VRK3: variants seen among roughly 807,000 people sequenced by gnomAD.
VRK3 encodes the protein VRK serine/threonine kinase 3, also known as serine/threonine-protein kinase VRK3.
In VRK3, 50 loss-of-function variants were observed where a neutral mutation model predicts 60.4. That is an observed-to-expected ratio of 0.83 (90% CI 0.66 to 1.05). VRK3 has a LOEUF of 1.05. Ranked by LOEUF, VRK3 falls within the 50% of genes least tolerant of loss-of-function variation. VRK3 has a pLI of 0.00. For synonymous variants in VRK3, 246 were observed against 227.8 expected, an observed-to-expected ratio of 1.08 and a Z score of -0.72; for missense variants, 549 against 585.3, an observed-to-expected ratio of 0.94 and a Z score of 0.64.
chr19:49,989,655 G>A lies in VRK3; in HGVS notation c.1080C>T (p.Asp360=). The A allele has an allele frequency of 1.2e-6, 2 of 1,612,794 alleles. No homozygotes were observed. The highest frequency in any genetic ancestry group is 1.1e-5 in the South Asian group (1 of 90,778). ...HEGDLEFISM[D]LHKGCGPSRR... ...GCCTCGTACCGCATCCCTTGTGCAG[G>A]TCCATGCTAATGAACTCAAGGTCCC... Residue 360 remains aspartate, a synonymous_variant, in exon 11 of 15, where the codon GAC becomes GAT. Coordinates refer to ENST00000316763, the MANE Select transcript of VRK3 (RefSeq NM_016440.4).
intron 10 of VRK3, among the ~76,000 whole-genome samples, chr19:49,992,307 T>C (rs2076625487): frequency 6.6e-6 from 1 of 152,216 alleles, no homozygotes. Context: ...CTCAGGAGGC[T>C]GACAGAGAAT....
chr19:50,007,057 C>T (rs1269815343), intron 5 of VRK3, among the ~76,000 whole-genome samples: 3 of 152,200 alleles, frequency 2.0e-5, no homozygotes, highest in Non-Finnish European at 2.9e-5. Flanking sequence ...CCTTTCCTCA[C>T]TCTCAAGGCA....
rs183868684 is a variant in VRK3, at chr19:49,993,218, G to A, written c.871-266C>T. ...CTCCTGTATTTCTCTCTTAGCTGAT[G>A]ACAAACTCAGCAGAGGGAAAAGGGG... On this transcript the variant is annotated intron_variant, in intron 9 of 14. Coordinates refer to ENST00000316763, the MANE Select transcript of VRK3 (RefSeq NM_016440.4). Among the ~76,000 whole-genome samples, 86 of 152,322 alleles carry A rather than the reference G, an allele frequency of 5.6e-4. 2 individuals are homozygous for A. In the East Asian group the frequency reaches 0.014, roughly 25 times the overall value.
intron 11 of VRK3, 144 bp downstream of exon 11, chr19:49,989,495 G>A (rs1057252531): frequency 6.9e-6 from 8 of 1,155,848 alleles, no homozygotes; most frequent in African/African-American, 3.1e-5. Flanking sequence ...CGGTCGGGAC[G>A]CTGTCTGTGG....
intron 3 of VRK3, among the ~76,000 whole-genome samples, chr19:50,011,732 T>C (rs892021276): frequency 2.0e-5 from 3 of 147,820 alleles, no homozygotes; most frequent in Admixed American, 1.3e-4. Flanking sequence ...ACTCCTCCAG[T>C]GTGTAGTTAA....
chr19:50,011,154 G>A (rs1037113826), intron 3 of VRK3, among the ~76,000 whole-genome samples: 1 of 152,106 alleles, frequency 6.6e-6, no homozygotes, highest in Non-Finnish European at 1.5e-5. Context: ...ATAAAACACA[G>A]GCTCAAGGCC....
rs1048177253 is a variant in VRK3, at chr19:49,979,331, T to G, written c.1277-89A>C. The G allele has an allele frequency of 3.2e-6, 5 of 1,586,724 alleles. No individual in the cohort carries two copies. In the Admixed American group the frequency reaches 5.2e-5, roughly 16 times the overall value. On this transcript the variant is annotated intron_variant, in intron 13 of 14. Transcript: ENST00000316763. Reference sequence around the variant, plus strand: ...GGGTCTCCACCCAAGGATGGAGGGGTGGGGGACTGAGGGGCATGAGGGTCT... The same window carrying G: ...GGGTCTCCACCCAAGGATGGAGGGGGGGGGGACTGAGGGGCATGAGGGTCT...
chr19:49,997,188 T>C (rs948040299), intron 7 of VRK3: 18 of 203,664 alleles, frequency 8.8e-5, no homozygotes, highest in Non-Finnish European at 1.6e-4. Flanking sequence ...TTTTGCCACA[T>C]TGCCCAGGAT....
chr19:49,992,319 G>A (rs536680051), intron 10 of VRK3, among the ~76,000 whole-genome samples: 20 of 152,312 alleles, frequency 1.3e-4, no homozygotes, highest in African/African-American at 2.6e-4. Context: ...ACAGAGAATC[G>A]CTTGAACCCA....
chr19:49,983,359 G>A (rs1403663883), intron 12 of VRK3, among the ~76,000 whole-genome samples: 1 of 152,206 alleles, frequency 6.6e-6, no homozygotes, highest in Non-Finnish European at 1.5e-5. Context: ...ACAGCTCGAG[G>A]GCTTGGCCTC....
chr19:49,994,658 C>A (rs115385626), intron 9 of VRK3, among the ~76,000 whole-genome samples, 156 bp downstream of exon 9: 1,656 of 152,340 alleles, frequency 0.011, 26 homozygotes, highest in African/African-American at 0.038. Flanking sequence ...CCCATCATCT[C>A]GGCTCTAACC....
rs1203205101 is a variant in VRK3 at position 49,993,598 on chromosome 19, C to T, written c.871-646G>A. On this transcript the variant is annotated intron_variant, in intron 9 of 14. Transcript: ENST00000316763. ...TATTTTTATTAGAGAGGGCATTTTG[C>T]CATGTTGCCCAGGCTGGTCTTGAAC... 2.0e-5 allele frequency among the ~76,000 whole-genome samples: 3 copies of T among 152,012 alleles called. No homozygotes were observed. In the East Asian group the frequency reaches 5.8e-4, roughly 29 times the overall value.
At chr19:49,997,675 A>C in intron 6 of VRK3, 105 bp from the exon 7 acceptor site, 1 of 1,304,930 alleles carries the variant, frequency 7.7e-7, no homozygotes, top group Non-Finnish European at 1.1e-6. Flanking sequence ...CAGGCTCCTC[A>C]TCAAGTCCCC....
At chr19:49,986,057 G>T (rs1014469607) in intron 12 of VRK3, among the ~76,000 whole-genome samples, 2 of 152,206 alleles carry the variant, frequency 1.3e-5, no homozygotes, top group African/African-American at 4.8e-5. Flanking sequence ...TGTTAGCTTT[G>T]AACAGTCAGT....
Position 49,979,047 on chromosome 19 carries a change from G to C in VRK3, c.*11+36C>G, listed in dbSNP as rs755095645. The C allele has an allele frequency of 1.9e-6, 3 of 1,556,184 alleles. No individual in the cohort carries two copies. The Admixed American group carries it at 5.6e-5, about 29-fold the overall frequency. On this transcript the variant is annotated intron_variant, in intron 14 of 14. Transcript: ENST00000316763. ...TGGGGCAGGGCTCGGGTGAGGGCAA[G>C]GGGTGAGAGGCTTAAGCCTCACAAG...
intron 1 of VRK3, among the ~76,000 whole-genome samples, chr19:50,020,893 C>A (rs965869710): frequency 5.9e-5 from 9 of 152,170 alleles, no homozygotes; most frequent in Non-Finnish European, 1.0e-4. Context: ...GAGACACTAA[C>A]AAACAAATGA....
chr19:49,996,247 G>A (rs1253717806), intron 7 of VRK3, among the ~76,000 whole-genome samples: 1 of 151,790 alleles, frequency 6.6e-6, no homozygotes, highest in African/African-American at 2.4e-5. Context: ...CAATAGAGAT[G>A]GGTTTTGCCA....
intron 1 of VRK3, 184 bp downstream of exon 1, chr19:50,025,083 A>G (rs994260041): frequency 4.6e-5 from 7 of 152,270 alleles, no homozygotes; most frequent in African/African-American, 1.4e-4. Context: ...ACGGAGCCCA[A>G]GGTGGCTTGG....
At chr19:49,980,931 G>A (rs775580541) in intron 13 of VRK3, 24 bp downstream of exon 13, 7 of 1,602,204 alleles carry the variant, frequency 4.4e-6, no homozygotes, top group East Asian at 4.5e-5. Context: ...GTCCCCGCCT[G>A]TTCCCGCTCC....
Sources: allele counts gnomAD v4.1 joint callset (sites outside exome capture counted in the v4.1 genomes callset), GRCh38; gene constraint gnomAD v4.1.1; transcripts MANE v1.5; gene names NCBI Gene and HGNC (gene_info 2026-07-23, HGNC 2026-07-21).